Variants in INPP4A observed in about 807,000 individuals in gnomAD.
INPP4A encodes the protein inositol polyphosphate-4-phosphatase, type I, 107kD.
A neutral mutation model predicts 119.8 loss-of-function variants in INPP4A; 33 were observed. The ratio of observed to expected loss-of-function variants is 0.28; its 90% CI spans 0.21 to 0.37. The LOEUF (loss-of-function observed/expected upper bound fraction) is 0.37, where lower values mean the gene tolerates loss of function less well. Ranked by LOEUF, INPP4A falls within the 10% of genes least tolerant of loss-of-function variation. The pLI is 1.00. For missense variants in INPP4A, 956 were observed against 1,289.9 expected, an observed-to-expected ratio of 0.74 and a Z score of 3.97; for synonymous variants, 496 against 500.7, an observed-to-expected ratio of 0.99 and a Z score of 0.12.
Position 98,590,996 on chromosome 2 carries a change from T to C in INPP4A, c.*3388T>C, listed in dbSNP as rs1286590748. The C allele has an allele frequency of 1.3e-5, 3 of 229,772 alleles. No individual in the cohort carries two copies. The highest frequency in any genetic ancestry group is 2.6e-5 in the Non-Finnish European group (3 of 116,004). The allele number at this position is 229,772 out of a possible 1,614,324, so 14.2% of individuals were successfully genotyped here. ...CATTGGAATGTTGATCTATTTCATA[T>C]AGATTGTTTTTAATATACAATGTAT... On this transcript the variant is annotated 3_prime_UTR_variant, in exon 25 of 25. Transcript: ENST00000409851.
At chr2:98,557,992 A>G (rs966688780) in intron 16 of INPP4A, among the ~76,000 whole-genome samples, 3 of 152,174 alleles carry the variant, frequency 2.0e-5, no homozygotes, top group South Asian at 2.1e-4. Flanking sequence ...TCTGGGGTCT[A>G]TGGGTACACC....
chr2:98,517,547 G>A (rs1686386069), intron 1 of INPP4A, among the ~76,000 whole-genome samples: 1 of 152,168 alleles, frequency 6.6e-6, no homozygotes, highest in Non-Finnish European at 1.5e-5. Context: ...CTATTCCAGT[G>A]CTTGTGCAGA....
intron 1 of INPP4A, among the ~76,000 whole-genome samples, chr2:98,509,061 A>G (rs867923359): frequency 1.3e-5 from 2 of 152,210 alleles, no homozygotes; most frequent in Middle Eastern, 3.2e-3. Flanking sequence ...AGGCTTCAGA[A>G]GAGGCTTGGC....
chr2:98,502,462 CAT>C (rs1234863170), intron 1 of INPP4A, among the ~76,000 whole-genome samples: 2 of 152,070 alleles, frequency 1.3e-5, no homozygotes, highest in Non-Finnish European at 1.5e-5. Flanking sequence ...TAAAAGCACA[CAT>C]AGAGATTTTA....
intron 1 of INPP4A, among the ~76,000 whole-genome samples, chr2:98,502,195 G>A (rs1336383080): frequency 6.6e-6 from 1 of 152,198 alleles, no homozygotes; most frequent in Non-Finnish European, 1.5e-5. Context: ...TTCTCCAGAT[G>A]AGAGAGAGCA....
chr2:98,482,664 A>G (rs957172210), intron 1 of INPP4A, among the ~76,000 whole-genome samples: 1 of 152,240 alleles, frequency 6.6e-6, no homozygotes, highest in Non-Finnish European at 1.5e-5. Flanking sequence ...ACAGTAGGCA[A>G]GTGTGGTTGA....
chr2:98,477,341 A>C (rs566010723), intron 1 of INPP4A, among the ~76,000 whole-genome samples: 13 of 152,340 alleles, frequency 8.5e-5, no homozygotes, highest in African/African-American at 2.9e-4. Flanking sequence ...TTTGTCCTGA[A>C]TGGTGTGGTG....
intron 1 of INPP4A, among the ~76,000 whole-genome samples, chr2:98,481,830 T>C (rs996887936): frequency 3.3e-5 from 5 of 152,250 alleles, no homozygotes; most frequent in African/African-American, 1.2e-4. Flanking sequence ...GGGTGCTCCC[T>C]GTCCACGCAC....
chr2:98,518,155 C>T (rs1686509385), intron 1 of INPP4A, among the ~76,000 whole-genome samples: 1 of 152,220 alleles, frequency 6.6e-6, no homozygotes, highest in South Asian at 2.1e-4. Flanking sequence ...TAAGCACTTT[C>T]CTGTTTTACC....
chr2:98,500,332 A>T (rs554687050), intron 1 of INPP4A, among the ~76,000 whole-genome samples: 1 of 152,002 alleles, frequency 6.6e-6, no homozygotes, highest in Non-Finnish European at 1.5e-5. Flanking sequence ...CCACTGTTTG[A>T]GGGGGGAAAA....
At chr2:98,492,617 A>G (rs969281839) in intron 1 of INPP4A, among the ~76,000 whole-genome samples, 3 of 152,152 alleles carry the variant, frequency 2.0e-5, no homozygotes, top group African/African-American at 7.2e-5. Context: ...CCCTTTAGGG[A>G]TGACTGGATT....
At chr2:98,463,456 C>A (rs182411982) in intron 1 of INPP4A, among the ~76,000 whole-genome samples, 120 of 152,356 alleles carry the variant, frequency 7.9e-4, no homozygotes, top group African/African-American at 1.3e-3. Context: ...GGGAAGGCAA[C>A]GGCCTGGGCA....
chr2:98,565,751 T>C lies in INPP4A; in HGVS notation c.2264T>C (p.Val755Ala), dbSNP rs1361461179. 1 of 1,611,942 alleles carries C rather than the reference T, an allele frequency of 6.2e-7. No individual in the cohort carries two copies. Among genetic ancestry groups the C allele is most frequent in the African/African-American group, 1.3e-5 (1 of 74,976 alleles). ...TSSASADMLP[V>A]ITGNRDGFNV... ...AGCGCCTCCGCAGACATGCTGCCCGTCATCACAGGAAATCGGTAGAGTGTT... is the reference window on the plus strand; with the variant it reads ...AGCGCCTCCGCAGACATGCTGCCCGCCATCACAGGAAATCGGTAGAGTGTT... The change falls in exon 20 of 25, where the codon GTC becomes GCC. Residue 755 changes from valine to alanine, a missense_variant. Transcript: ENST00000409851.
chr2:98,585,454 A>G (rs1699844267), intron 24 of INPP4A, among the ~76,000 whole-genome samples: 1 of 152,270 alleles, frequency 6.6e-6, no homozygotes, highest in Non-Finnish European at 1.5e-5. Flanking sequence ...GCTAAAATCT[A>G]AGACCACCTC....
intron 20 of INPP4A, 30 bp from the exon 21 acceptor site, chr2:98,565,999 A>C: frequency 2.5e-6 from 4 of 1,592,788 alleles, no homozygotes; most frequent in Non-Finnish European, 3.4e-6. Flanking sequence ...CTGGCCTCAC[A>C]CTGCTCTCCC....
chr2:98,476,797 C>T (rs1677314831), intron 1 of INPP4A, among the ~76,000 whole-genome samples: 1 of 152,216 alleles, frequency 6.6e-6, no homozygotes, highest in Admixed American at 6.5e-5. Flanking sequence ...CGTTCTCTTC[C>T]TGGCCTGTGA....
At position 98,593,634 on chromosome 2, in the gene INPP4A, A is replaced by T. The variant is rs1259961987; in HGVS notation, c.*6026A>T. On this transcript the variant is annotated 3_prime_UTR_variant, in exon 25 of 25. Coordinates refer to ENST00000409851, the MANE Select transcript of INPP4A (RefSeq NM_001134225.2). ...TAAGCACCATGCCTGTCTTGCAGGCATCTCAAATACAGCATGCTCATGCCT... is the reference window on the plus strand; with the variant it reads ...TAAGCACCATGCCTGTCTTGCAGGCTTCTCAAATACAGCATGCTCATGCCT... 2 of 152,322 alleles carry T rather than the reference A, an allele frequency of 1.3e-5. No individual in the cohort carries two copies. The highest frequency in any genetic ancestry group is 2.9e-5 in the Non-Finnish European group (2 of 68,128). The allele number at this position is 152,322 out of a possible 1,614,324, so 9.4% of individuals were successfully genotyped here. A position where few individuals can be genotyped will look rare whatever the true frequency, so the allele number is the denominator to read the frequency against.
At chr2:98,572,170 C>A (rs954986055) in intron 22 of INPP4A, 1 of 152,298 alleles carries the variant, frequency 6.6e-6, no homozygotes, top group Non-Finnish European at 1.5e-5. Flanking sequence ...TCCCAGAGTA[C>A]CTTTCCAGGA....
At chr2:98,572,777 T>C (rs1423061040) in intron 22 of INPP4A, 38 bp from the exon 23 acceptor site, 19 of 1,444,296 alleles carry the variant, frequency 1.3e-5, no homozygotes, top group Middle Eastern at 2.3e-4. Flanking sequence ...AGTTCCTGGG[T>C]GCGTCACCCA....
Sources: gnomAD v4.1 joint callset for allele counts (sites outside exome capture counted in the v4.1 genomes callset) on GRCh38, gnomAD v4.1.1 for gene constraint, MANE v1.5 for transcripts, NCBI Gene and HGNC (gene_info 2026-07-23, HGNC 2026-07-21) for gene names.